AGBL3: variants seen among roughly 807,000 people sequenced by gnomAD.
AGBL3 encodes AGBL carboxypeptidase 3, also known as cytosolic carboxypeptidase 3.
In AGBL3, 68 loss-of-function variants were observed where a neutral mutation model predicts 94.5. That is an observed-to-expected ratio of 0.72 (90% CI 0.59 to 0.88). The LOEUF (loss-of-function observed/expected upper bound fraction) is 0.88. AGBL3 is among the 40% of genes least tolerant of loss of function. The pLI is 0.00. For synonymous variants in AGBL3, 354 were observed against 370.7 expected (o/e 0.95, Z 0.52); for missense variants, 934 against 1,103.8 (o/e 0.85, Z 2.18).
chr7:135,129,116 G>A, intron 16 of AGBL3: 4 of 1,552,940 alleles, frequency 2.6e-6, no homozygotes, highest in Non-Finnish European at 3.6e-6. Flanking sequence ...AAGAGCTAGT[G>A]GAAGCAGAGT....
intron 4 of AGBL3, among the ~76,000 whole-genome samples, chr7:135,002,009 G>T (rs898516503): frequency 4.6e-5 from 7 of 152,110 alleles, no homozygotes; most frequent in African/African-American, 1.7e-4. Flanking sequence ...TGGCCCAGTG[G>T]CCAAACAGAA....
intron 15 of AGBL3, among the ~76,000 whole-genome samples, chr7:135,112,589 T>A (rs910568961): frequency 3.3e-5 from 5 of 152,202 alleles, no homozygotes; most frequent in African/African-American, 1.2e-4. Context: ...CATCTATAAG[T>A]ATGGCTATAA....
chr7:135,111,239 A>G (rs950658004), intron 15 of AGBL3, among the ~76,000 whole-genome samples: 6 of 152,178 alleles, frequency 3.9e-5, no homozygotes, highest in Non-Finnish European at 7.3e-5. Flanking sequence ...TCCCATGTCC[A>G]TCAATTTCCT....
chr7:135,133,786 A>G (rs1290097683), intron 16 of AGBL3, among the ~76,000 whole-genome samples: 1 of 152,202 alleles, frequency 6.6e-6, no homozygotes, highest in Non-Finnish European at 1.5e-5. Context: ...ACCTGTGTGT[A>G]TAACTATTTA....
At chr7:135,057,092 C>T (rs1818407058) in intron 11 of AGBL3, among the ~76,000 whole-genome samples, 1 of 151,872 alleles carries the variant, frequency 6.6e-6, no homozygotes, top group Admixed American at 6.6e-5. Flanking sequence ...TATTTGTCAC[C>T]GCTGACAAAT....
rs1488575502 is a variant in AGBL3 at position 134,989,176 on chromosome 7, A to G, written c.64-74A>G. 5 of 1,032,936 alleles carry G rather than the reference A, an allele frequency of 4.8e-6. No individual in the cohort carries two copies. The African/African-American group carries it at 8.1e-5, about 17-fold the overall frequency. The allele number at this position is 1,032,936 out of a possible 1,614,324, so 64.0% of individuals were successfully genotyped here. ...CATATACTCAATCCCAAGTACTAAA[A>G]TAGATGTAAAAAAATTCTGGATTTG... is the stretch of plus-strand genomic sequence containing the variant. On this transcript the variant is annotated intron_variant, in intron 2 of 16. Transcript: ENST00000436302.
intron 15 of AGBL3, among the ~76,000 whole-genome samples, chr7:135,115,033 G>A (rs1203270253): frequency 6.6e-6 from 1 of 152,056 alleles, no homozygotes; most frequent in East Asian, 1.9e-4. Context: ...CTCAGTAAGG[G>A]CCTTTGTCTC....
intron 16 of AGBL3, among the ~76,000 whole-genome samples, chr7:135,118,775 C>T (rs76864211): frequency 0.051 from 7,739 of 151,910 alleles, 262 homozygotes; most frequent in Non-Finnish European, 0.08. Context: ...TATAAACACA[C>T]TTGGAAGAAA....
chr7:135,039,867 G>A (rs1484757578), intron 8 of AGBL3, among the ~76,000 whole-genome samples: 1 of 151,952 alleles, frequency 6.6e-6, no homozygotes, highest in African/African-American at 2.4e-5. Flanking sequence ...ATTGGAAAAT[G>A]AGAGACAATG....
intron 15 of AGBL3, among the ~76,000 whole-genome samples, chr7:135,114,461 A>G (rs1412269004): frequency 6.6e-6 from 1 of 152,206 alleles, no homozygotes. Flanking sequence ...TAACAAAACA[A>G]TAATTCCTTT....
In AGBL3 at chr7:135,096,789, A is replaced by AAG. The variant is rs1387222478; in HGVS notation, c.2110+15001_2110+15002dup. 3.3e-5 allele frequency among the ~76,000 whole-genome samples: 5 copies of AAG among 150,258 alleles called. No individual in the cohort carries two copies. In the East Asian group the frequency reaches 7.8e-4, roughly 23 times the overall value. On this transcript the variant is annotated intron_variant, in intron 15 of 16. Transcript: ENST00000436302. ...AAAGAAAGAAAGAAAGAAAGAAAGA[A>AAG]AGAAAAAGGGAAGAAGGAAGGACAT... is the stretch of plus-strand genomic sequence containing the variant.
At chr7:135,028,005 T>C (rs1815332161) in intron 5 of AGBL3, among the ~76,000 whole-genome samples, 1 of 151,688 alleles carries the variant, frequency 6.6e-6, no homozygotes, top group Non-Finnish European at 1.5e-5. Flanking sequence ...GATATGAAAG[T>C]CCATTAGGTG....
intron 15 of AGBL3, chr7:135,094,384 GC>G (rs761646507): frequency 8.8e-6 from 4 of 456,684 alleles, no homozygotes; most frequent in Non-Finnish European, 1.8e-5. Flanking sequence ...CTTGTCTGAG[GC>G]AGAAGCTGCT....
intron 7 of AGBL3, among the ~76,000 whole-genome samples, chr7:135,035,518 A>G (rs6978050): frequency 0.24 from 36,141 of 151,988 alleles, 5,349 homozygotes; most frequent in South Asian, 0.42. Context: ...AGTATATTTA[A>G]AGCATATTAG....
At chr7:134,998,214 A>C (rs1021254746) in intron 4 of AGBL3, among the ~76,000 whole-genome samples, 6 of 152,220 alleles carry the variant, frequency 3.9e-5, no homozygotes, top group Admixed American at 6.5e-5. Context: ...TAATTGGTCC[A>C]GTTCATCATT....
chr7:135,056,268 CT>C (rs1470043737), intron 11 of AGBL3, among the ~76,000 whole-genome samples: 6 of 151,930 alleles, frequency 3.9e-5, no homozygotes, highest in African/African-American at 7.2e-5. Flanking sequence ...TAAATTACTT[CT>C]TTTTTTCTGC....
At chr7:134,989,459 C>T (rs1469991843) in intron 3 of AGBL3, 149 bp downstream of exon 3, 1 of 545,164 alleles carries the variant, frequency 1.8e-6, no homozygotes, top group South Asian at 3.1e-5. Context: ...TTGCAGAGTT[C>T]AAACTTTTCA....
rs111787262 is a variant in AGBL3 at position 135,111,641 on chromosome 7, A to G, written c.2111-3739A>G. On this transcript the variant is annotated intron_variant, in intron 15 of 16. Coordinates refer to ENST00000436302, the MANE Select transcript of AGBL3 (RefSeq NM_178563.4). The stretch of plus-strand genomic sequence containing the variant: ...ATAGCTCAATGAATATCTGAGTGTC[A>G]TATCTGTGACACTACTCTCTCCTGG... Among the ~76,000 whole-genome samples, 316 of 152,070 alleles carry G rather than the reference A, an allele frequency of 2.1e-3. 1 individual carries two copies. Among genetic ancestry groups the G allele is most frequent in the African/African-American group, 7.2e-3 (300 of 41,468 alleles).
rs747309793 is a variant in AGBL3, at chr7:135,034,301, G to C, written c.710G>C (p.Arg237Pro). ...ACCAAACCTGCTAGTCTTTACAGTC[G>C]GGGTATGCGCCCACTGTTCTATTCT... ...NFTKPASLYS[R>P]GMRPLFYSEK... The change falls in exon 7 of 17, where the codon CGG becomes CCG. Residue 237 changes from arginine (R) to proline (P), a missense_variant. This residue lies in a region of AGBL3 where 488 missense variants were observed against 563.6 expected (regional missense o/e 0.87). Coordinates refer to ENST00000436302, the MANE Select transcript of AGBL3 (RefSeq NM_178563.4). The C allele has an allele frequency of 1.9e-6, 3 of 1,551,650 alleles. No homozygotes were observed. In the Admixed American group the frequency reaches 5.9e-5, roughly 30 times the overall value.
Sources: gnomAD v4.1 joint callset for allele counts (sites outside exome capture counted in the v4.1 genomes callset) on GRCh38, gnomAD v4.1.1 for gene constraint, gnomAD v4.1.1 regional missense constraint, MANE v1.5 for transcripts, NCBI Gene and HGNC (gene_info 2026-07-23, HGNC 2026-07-21) for gene names.